Variants in WWTR1 observed in about 807,000 individuals in gnomAD.
The protein encoded by WWTR1 is WW domain-containing transcription regulator protein 1.
A neutral mutation model predicts 40.1 loss-of-function variants in WWTR1; 13 were observed. The observed-to-expected ratio is 0.32, with a 90% CI of 0.21 to 0.52. WWTR1 has a LOEUF of 0.52. Among genes scored for constraint, WWTR1 ranks in the 20% least tolerant of loss-of-function variants. The pLI, the probability that WWTR1 is intolerant of heterozygous loss-of-function variation, is 0.97. For synonymous variants in WWTR1, 230 were observed against 210.1 expected, an observed-to-expected ratio of 1.09 and a Z score of -0.82; for missense variants, 436 against 523.1, an observed-to-expected ratio of 0.83 and a Z score of 1.63.
intron 2 of WWTR1, among the ~76,000 whole-genome samples, chr3:149,651,992 ATTTTT>A (rs368845286): frequency 5.3e-5 from 5 of 93,714 alleles, no homozygotes; most frequent in African/African-American, 1.6e-4. Context: ...CGCCCGGCTA[ATTTTT>A]TTTTTTTTTT....
chr3:149,526,063 A>T lies in WWTR1; in HGVS notation c.968T>A (p.Val323Asp). ...GAGGAAGTCCTCCGGAGTTGTGGGGACACTGTAGCACCCTAACCCCAGGCC... is the reference window on the plus strand; with the variant it reads ...GAGGAAGTCCTCCGGAGTTGTGGGGTCACTGTAGCACCCTAACCCCAGGCC... ...DSGLGLGCYS[V>D]PTTPEDFLSN... is the part of the protein sequence containing the mutation. The change falls in exon 6 of 7, where the codon GTC (valine) becomes GAC (aspartate). Residue 323 changes from valine (V) to aspartate (D), a missense_variant. Physicochemically the swap from Val to Asp is radical, Grantham distance 152. Coordinates refer to ENST00000360632, the MANE Select transcript of WWTR1 (RefSeq NM_015472.6). 6.2e-7 allele frequency: 1 copy of T among 1,610,570 alleles called. No individual in the cohort carries two copies. Among genetic ancestry groups the T allele is most frequent in the Non-Finnish European group, 8.5e-7 (1 of 1,178,112 alleles).
At chr3:149,568,928 A>G (rs955338424) in intron 3 of WWTR1, among the ~76,000 whole-genome samples, 2 of 152,198 alleles carry the variant, frequency 1.3e-5, no homozygotes, top group Admixed American at 1.3e-4. Flanking sequence ...CACCACACCC[A>G]GCTAATTTTT....
intron 2 of WWTR1, among the ~76,000 whole-genome samples, chr3:149,638,076 C>T (rs1711937694): frequency 6.6e-6 from 1 of 151,998 alleles, no homozygotes; most frequent in Non-Finnish European, 1.5e-5. Context: ...ATTAGCCAGG[C>T]GTGGTGCTGT....
At chr3:149,627,606 A>G (rs1232287096) in intron 2 of WWTR1, among the ~76,000 whole-genome samples, 1 of 152,226 alleles carries the variant, frequency 6.6e-6, no homozygotes. Context: ...CAAGCTGGTC[A>G]AAGTTTGTAT....
intron 1 of WWTR1, among the ~76,000 whole-genome samples, chr3:149,680,150 T>C (rs920042988): frequency 6.6e-6 from 1 of 152,212 alleles, no homozygotes; most frequent in Non-Finnish European, 1.5e-5. Flanking sequence ...AATCATTATA[T>C]TGTGACAGGT....
chr3:149,520,928 GA>G lies in WWTR1; in HGVS notation c.1079del (p.Phe360SerfsTer12). The G allele has an allele frequency of 6.2e-7, 1 of 1,613,442 alleles. No homozygotes were observed. The highest frequency in any genetic ancestry group is 8.5e-7 in the Non-Finnish European group (1 of 1,179,720). ...CGTTTGTTCCTGGAAGACAGTCAAG[GA>G]AATCAGGGAAACGGGTCTGTTGGGG... Reference protein sequence around the residue: ...INPQQTRFPDFLDCLPGTNVD... With the variant: ...INPQQTRFPDXLDCLPGTNVD... On this transcript the variant is annotated frameshift_variant, in exon 7 of 7. Coordinates refer to ENST00000360632, the MANE Select transcript of WWTR1 (RefSeq NM_015472.6). LOFTEE classifies it high-confidence loss of function.
chr3:149,708,063 C>A (rs1210085646), upstream of WWTR1, among the ~76,000 whole-genome samples: 2 of 152,122 alleles, frequency 1.3e-5, no homozygotes, highest in Admixed American at 1.3e-4. Context: ...GTCTTCCTAG[C>A]CTCAGGCCTG....
rs1406135965 is a variant in WWTR1, at chr3:149,586,438, A to G, written c.432-13438T>C. Among the ~76,000 whole-genome samples, 8 of 152,222 alleles carry G rather than the reference A, an allele frequency of 5.3e-5. No individual in the cohort carries two copies. The East Asian group carries it at 1.3e-3, about 26-fold the overall frequency. ...AAAAAGCTAATATAAACCAATTTGAATAACCAAATCGGGAAACCATGTGTG... is the reference window on the plus strand; with the variant it reads ...AAAAAGCTAATATAAACCAATTTGAGTAACCAAATCGGGAAACCATGTGTG... On this transcript the variant is annotated intron_variant, in intron 2 of 6. Transcript: ENST00000360632.
At chr3:149,544,846 G>A (rs1422439280) in intron 3 of WWTR1, among the ~76,000 whole-genome samples, 1 of 152,196 alleles carries the variant, frequency 6.6e-6, no homozygotes, top group East Asian at 1.9e-4. Flanking sequence ...AAGAGGAAGG[G>A]CTCGAGGAAA....
intron 1 of WWTR1, among the ~76,000 whole-genome samples, chr3:149,676,209 G>C (rs1714252076): frequency 6.6e-6 from 1 of 152,074 alleles, no homozygotes; most frequent in South Asian, 2.1e-4. Flanking sequence ...TTAAGATAAA[G>C]ATCTACTTAC....
upstream of WWTR1, among the ~76,000 whole-genome samples, chr3:149,705,354 T>C (rs1028327499): frequency 6.6e-6 from 1 of 152,104 alleles, no homozygotes; most frequent in Non-Finnish European, 1.5e-5. Flanking sequence ...GTCAGACCCT[T>C]AGAAATAGGA....
intron 2 of WWTR1, among the ~76,000 whole-genome samples, chr3:149,574,398 A>ATC (rs1047185803): frequency 1.2e-4 from 19 of 152,260 alleles, no homozygotes; most frequent in African/African-American, 4.3e-4. Flanking sequence ...AAGAAACTGA[A>ATC]TGTTAGCCCT....
intron 3 of WWTR1, among the ~76,000 whole-genome samples, chr3:149,547,021 T>C (rs1007281892): frequency 6.6e-6 from 1 of 152,120 alleles, no homozygotes; most frequent in African/African-American, 2.4e-5. Flanking sequence ...TCATTGACAC[T>C]GGAGCTCATG....
chr3:149,560,322 G>A (rs1343489430), intron 3 of WWTR1, among the ~76,000 whole-genome samples: 1 of 152,190 alleles, frequency 6.6e-6, no homozygotes, highest in East Asian at 1.9e-4. Flanking sequence ...AGAGGAGAAA[G>A]CACAAGCAAA....
At chr3:149,630,385 AAAG>A (rs1302549200) in intron 2 of WWTR1, among the ~76,000 whole-genome samples, 3 of 152,202 alleles carry the variant, frequency 2.0e-5, no homozygotes, top group South Asian at 2.1e-4. Flanking sequence ...ACCAAGGATA[AAAG>A]AAGAACAGCA....
chr3:149,596,667 A>G (rs1305761390), intron 2 of WWTR1, among the ~76,000 whole-genome samples: 3 of 152,210 alleles, frequency 2.0e-5, no homozygotes, highest in Non-Finnish European at 2.9e-5. Context: ...CATCACTCAG[A>G]CTTTGAAGCC....
At chr3:149,695,078 T>A (rs903710467) in intron 1 of WWTR1, among the ~76,000 whole-genome samples, 2 of 152,202 alleles carry the variant, frequency 1.3e-5, no homozygotes, top group Non-Finnish European at 2.9e-5. Flanking sequence ...CTTTGCATGT[T>A]CTCAATCATT....
intron 4 of WWTR1, among the ~76,000 whole-genome samples, chr3:149,538,068 C>T (rs1042637706): frequency 4.6e-5 from 7 of 152,120 alleles, no homozygotes; most frequent in South Asian, 2.1e-4. Flanking sequence ...TACCGGCACC[C>T]GCCATTATGT....
At chr3:149,717,324 A>C (rs969535539) in intron 5 of WWTR1, 41 of 152,268 alleles carry the variant, frequency 2.7e-4, no homozygotes, top group African/African-American at 8.9e-4. Context: ...AAAGTTAGCA[A>C]AACAAACAAA....
Sources: gnomAD v4.1 joint callset for allele counts (sites outside exome capture counted in the v4.1 genomes callset) on GRCh38, gnomAD v4.1.1 for gene constraint, MANE v1.5 for transcripts, NCBI Gene and HGNC (gene_info 2026-07-23, HGNC 2026-07-21) for gene names.